NR2C2: variants seen among roughly 807,000 people sequenced by gnomAD.
NR2C2 encodes the protein nuclear receptor subfamily 2 group C member 2, also known as Nuclear hormone receptor TR4.
In NR2C2, 6 loss-of-function variants were observed where a neutral mutation model predicts 62.9. That is an observed-to-expected ratio of 0.10 (90% CI 0.05 to 0.19). The LOEUF is 0.19. Among genes scored for constraint, NR2C2 ranks in the 10% least tolerant of loss-of-function variants. The pLI, the probability that NR2C2 is intolerant of heterozygous loss-of-function variation, is 1.00. For synonymous variants in NR2C2, 272 were observed against 273.8 expected (o/e 0.99, Z 0.07); for missense variants, 479 against 762.7 (o/e 0.63, Z 4.38).
chr3:15,002,786 G>A (rs2041054220), intron 1 of NR2C2, among the ~76,000 whole-genome samples: 1 of 148,198 alleles, frequency 6.7e-6, no homozygotes, highest in South Asian at 2.2e-4. Flanking sequence ...AGCCTCCCTA[G>A]TAGCTGGGAT....
At chr3:15,026,488 A>G (rs1459677843) in intron 7 of NR2C2, 1 of 151,482 alleles carries the variant, frequency 6.6e-6, no homozygotes, top group East Asian at 1.9e-4. Flanking sequence ...TTATGTAGTC[A>G]CTCCTCCTTT....
chr3:15,038,008 T>C lies in NR2C2; in HGVS notation c.1381T>C (p.Ser461Pro). Reference sequence around the variant, plus strand: ...GTGATGTTGGTTTCTAGATAAACTTTCTGGTGACCGGATAAAGCAAGTCAT... The same window carrying C: ...GTGATGTTGGTTTCTAGATAAACTTCCTGGTGACCGGATAAAGCAAGTCAT... ...LQNSIQEDKLSGDRIKQVMEH... is the reference protein window; with the variant it reads ...LQNSIQEDKLPGDRIKQVMEH... The change falls in exon 12 of 14, where the codon TCT becomes CCT. Residue 461 changes from serine (S) to proline (P), a missense_variant. Around this residue, in one of 4 missense-constraint regions of NR2C2, gnomAD observed 162 missense variants for 296.8 expected, o/e 0.55. Transcript: ENST00000425241. 6.2e-7 allele frequency: 1 copy of C among 1,613,246 alleles called. No individual in the cohort carries two copies. Among genetic ancestry groups the C allele is most frequent in the Non-Finnish European group, 8.5e-7 (1 of 1,179,670 alleles).
At chr3:15,026,234 C>T (rs2041819729) in intron 7 of NR2C2, 1 of 152,230 alleles carries the variant, frequency 6.6e-6, no homozygotes, top group South Asian at 2.1e-4. Context: ...GTTGCCCAGT[C>T]TGGTCTTGAA....
intron 1 of NR2C2, among the ~76,000 whole-genome samples, chr3:14,993,854 G>C (rs2040740605): frequency 6.6e-6 from 1 of 152,168 alleles, no homozygotes; most frequent in Non-Finnish European, 1.5e-5. Flanking sequence ...AAAATTTGCA[G>C]ATGTATCCCT....
intron 6 of NR2C2, 73 bp downstream of exon 6, chr3:15,023,420 CA>C: frequency 3.3e-6 from 5 of 1,513,366 alleles, no homozygotes; most frequent in Non-Finnish European, 4.5e-6. Flanking sequence ...CCACAGCAGG[CA>C]CTGTTGTGGC....
At position 15,019,981 on chromosome 3, in the gene NR2C2, C is replaced by T. The variant is rs143741962; in HGVS notation, c.377-772C>T. ...TCTATCTGATTTGATCATTATACAA[C>T]GTGGATATATTGAAATATCAAATTA... is the stretch of plus-strand genomic sequence containing the variant. On this transcript the variant is annotated intron_variant, in intron 4 of 13. Transcript: ENST00000425241. 1.6e-3 allele frequency among the ~76,000 whole-genome samples: 247 copies of T among 152,202 alleles called. 2 individuals are homozygous for T. The highest frequency in any genetic ancestry group is 9.1e-3 in the South Asian group (44 of 4,826).
At chr3:14,967,105 C>G (rs528134641) in intron 1 of NR2C2, among the ~76,000 whole-genome samples, 23 of 152,012 alleles carry the variant, frequency 1.5e-4, no homozygotes, top group Non-Finnish European at 2.5e-4. Context: ...CTTTTTGGGA[C>G]TTTGTTCATT....
chr3:15,039,055 A>G (rs1203854888), intron 12 of NR2C2, 67 bp from the exon 13 acceptor site: 1 of 1,137,762 alleles, frequency 8.8e-7, no homozygotes, highest in Non-Finnish European at 1.3e-6. Context: ...TAAAAGTACT[A>G]AGAAGTCTAC....
chr3:15,039,312 C>T, intron 13 of NR2C2, 85 bp downstream of exon 13: 1 of 886,270 alleles, frequency 1.1e-6, no homozygotes, highest in Non-Finnish European at 1.8e-6. Context: ...ATTATGTTAA[C>T]CTTTCCATTT....
At chr3:15,012,481 CTCCCAGAGTG>C (rs1318290521) in intron 2 of NR2C2, among the ~76,000 whole-genome samples, 2 of 152,182 alleles carry the variant, frequency 1.3e-5, no homozygotes, top group Non-Finnish European at 2.9e-5. Flanking sequence ...CCACCTCGGC[CTCCCAGAGTG>C]TTGGGATTAC....
At chr3:14,949,834 T>A (rs2039293065) in intron 1 of NR2C2, among the ~76,000 whole-genome samples, 1 of 152,312 alleles carries the variant, frequency 6.6e-6, no homozygotes, top group Middle Eastern at 3.4e-3. Flanking sequence ...TATAATTCTC[T>A]GTGTGTGAGT....
intron 13 of NR2C2, 180 bp from the exon 14 acceptor site, chr3:15,042,653 GT>G (rs911845238): frequency 1.7e-6 from 1 of 584,166 alleles, no homozygotes; most frequent in Non-Finnish European, 3.0e-6. Flanking sequence ...TACTCATTTG[GT>G]TTTTTCTCAT....
At position 15,048,382 on chromosome 3, in the gene NR2C2, G is replaced by A. The variant is rs541541506; in HGVS notation, c.*5374G>A. ...TAAAAGTTTCCTTTGGGGCTATTTA[G>A]CTTAACAGCAGTCTACAAATAATTA... is the stretch of plus-strand genomic sequence containing the variant. On this transcript the variant is annotated 3_prime_UTR_variant, in exon 14 of 14. Coordinates refer to ENST00000425241, the MANE Select transcript of NR2C2 (RefSeq NM_001291694.2). The A allele has an allele frequency of 5.9e-5, 9 of 152,734 alleles. No individual in the cohort carries two copies. In the East Asian group the frequency reaches 1.7e-3, roughly 29 times the overall value. 9.5% of individuals were successfully genotyped at this position (152,734 alleles called of 1,614,324 possible).
Position 15,020,229 on chromosome 3 carries a change from C to T in NR2C2, c.377-524C>T, listed in dbSNP as rs143167733. On this transcript the variant is annotated intron_variant, in intron 4 of 13. Transcript: ENST00000425241. ...CCCATGCTTCTCCCTGTGACTATCC[C>T]GCTTCCCCAGGGGAGGTTTCGGGCC... Among the ~76,000 whole-genome samples the T allele has an allele frequency of 2.6e-4, 39 of 152,300 alleles. No homozygotes were observed. In the East Asian group the frequency reaches 6.9e-3, roughly 27 times the overall value.
At chr3:14,979,232 C>T (rs1300337441) in intron 1 of NR2C2, among the ~76,000 whole-genome samples, 1 of 152,098 alleles carries the variant, frequency 6.6e-6, no homozygotes, top group African/African-American at 2.4e-5. Context: ...GAGATAAATG[C>T]GTGAGTATTT....
At position 15,023,884 on chromosome 3, in the gene NR2C2, G is replaced by A. The variant is rs542083042; in HGVS notation, c.705-231G>A. On this transcript the variant is annotated intron_variant, in intron 6 of 13. Coordinates refer to ENST00000425241, the MANE Select transcript of NR2C2 (RefSeq NM_001291694.2). ...TGCAGTCATCCTGGAAAGCCCTGGG[G>A]GATGCATCTGCATTTCATCCTGTCT... Among the ~76,000 whole-genome samples the A allele has an allele frequency of 1.3e-5, 2 of 152,218 alleles. 1 individual carries two copies. The highest frequency in any genetic ancestry group is 4.1e-4 in the South Asian group (2 of 4,830).
At chr3:14,950,153 T>C (rs1015315724) in intron 1 of NR2C2, among the ~76,000 whole-genome samples, 6 of 152,238 alleles carry the variant, frequency 3.9e-5, no homozygotes, top group Non-Finnish European at 5.9e-5. Flanking sequence ...TTAAGTGATA[T>C]AAATAATGAA....
rs1265329708 is a variant in NR2C2 at position 14,972,781 on chromosome 3, G to A, written c.-40+24875G>A. Reference sequence around the variant, plus strand: ...GGCCTCAGAGAGCTTTACTCATGGTGGCAGACAAAGCAGGAGCAGGTGTCT... The same window carrying A: ...GGCCTCAGAGAGCTTTACTCATGGTAGCAGACAAAGCAGGAGCAGGTGTCT... On this transcript the variant is annotated intron_variant, in intron 1 of 13. Coordinates refer to ENST00000425241, the MANE Select transcript of NR2C2 (RefSeq NM_001291694.2). 3.3e-5 allele frequency among the ~76,000 whole-genome samples: 5 copies of A among 152,156 alleles called. No homozygotes were observed. In the South Asian group the frequency reaches 1.0e-3, roughly 32 times the overall value.
intron 3 of NR2C2, 130 bp downstream of exon 3, chr3:15,013,919 GT>G: frequency 1.1e-6 from 1 of 949,876 alleles, no homozygotes; most frequent in Non-Finnish European, 1.6e-6. Context: ...AACATGGCAG[GT>G]TGCTGCTTTG....
Sources: allele counts gnomAD v4.1 joint callset (sites outside exome capture counted in the v4.1 genomes callset), GRCh38; gene constraint gnomAD v4.1.1; regional missense constraint gnomAD v4.1.1; transcripts MANE v1.5; gene names NCBI Gene and HGNC (gene_info 2026-07-23, HGNC 2026-07-21).